Variants in ADGRV1 observed in about 807,000 individuals in gnomAD.
The protein encoded by ADGRV1 is G-protein coupled receptor 98.
A neutral mutation model predicts 596.2 loss-of-function variants in ADGRV1; 359 were observed. The observed-to-expected ratio is 0.60, with a 90% CI of 0.55 to 0.66. The LOEUF is 0.66. ADGRV1 is among the 30% of genes least tolerant of loss of function. The pLI is 0.00. For missense variants in ADGRV1, 7,274 were observed against 7,575.6 expected (o/e 0.96, Z 1.48); for synonymous variants, 2,681 against 2,679.2 (o/e 1.00, Z -0.02).
chr5:91,091,957 T>C (rs1790423010), intron 86 of ADGRV1, among the ~76,000 whole-genome samples: 1 of 152,090 alleles, frequency 6.6e-6, no homozygotes, highest in Non-Finnish European at 1.5e-5. Flanking sequence ...TAATGTCTAA[T>C]CAGATATCTG....
At position 90,872,955 on chromosome 5, in the gene ADGRV1, G is replaced by C. The variant is rs190478148; in HGVS notation, c.17856+9098G>C. ...TCTGTGAAATCTTGCTTCCTTCTGT[G>C]AAACTTTTTAATGAGTGGTCCTTAC... On this transcript the variant is annotated intron_variant, in intron 83 of 89. Coordinates refer to ENST00000405460, the MANE Select transcript of ADGRV1 (RefSeq NM_032119.4). 2.9e-3 allele frequency among the ~76,000 whole-genome samples: 437 copies of C among 152,230 alleles called. 5 individuals carry two copies. Among genetic ancestry groups the C allele is most frequent in the Non-Finnish European group, 2.5e-3 (172 of 68,000 alleles).
At chr5:90,615,525 G>A (rs1423771659) in intron 2 of ADGRV1, among the ~76,000 whole-genome samples, 2 of 151,848 alleles carry the variant, frequency 1.3e-5, no homozygotes, top group African/African-American at 4.8e-5. Context: ...GTTACTGGGT[G>A]GATTGTGTGT....
intron 87 of ADGRV1, among the ~76,000 whole-genome samples, chr5:91,140,963 G>A (rs1489254717): frequency 6.6e-6 from 1 of 152,150 alleles, no homozygotes; most frequent in African/African-American, 2.4e-5. Context: ...GATTACTGAA[G>A]CATGTCCTAA....
intron 83 of ADGRV1, among the ~76,000 whole-genome samples, chr5:90,931,839 A>G (rs1048962383): frequency 2.6e-5 from 4 of 152,204 alleles, no homozygotes; most frequent in African/African-American, 7.2e-5. Context: ...TGGCTTAGAG[A>G]AAAATTGATG....
chr5:90,958,686 C>A (rs368095279), intron 83 of ADGRV1, among the ~76,000 whole-genome samples: 2 of 152,072 alleles, frequency 1.3e-5, no homozygotes, highest in African/African-American at 4.8e-5. Flanking sequence ...TGTGCATGTG[C>A]GTGTCTGTGT....
intron 84 of ADGRV1, among the ~76,000 whole-genome samples, chr5:90,969,885 G>C (rs1382270768): frequency 6.6e-6 from 1 of 152,230 alleles, no homozygotes; most frequent in Non-Finnish European, 1.5e-5. Context: ...AGGCAGGACA[G>C]TGGGTGCAAC....
chr5:91,075,160 T>G (rs1378308782), intron 86 of ADGRV1, among the ~76,000 whole-genome samples: 1 of 152,154 alleles, frequency 6.6e-6, no homozygotes, highest in Non-Finnish European at 1.5e-5. Context: ...TGATAATTTC[T>G]TTTGCTGTGC....
At chr5:90,621,712 G>T (rs1350210271) in intron 4 of ADGRV1, among the ~76,000 whole-genome samples, 1 of 152,078 alleles carries the variant, frequency 6.6e-6, no homozygotes, top group Non-Finnish European at 1.5e-5. Flanking sequence ...GTGCTGCCAG[G>T]CAGCCTCTGA....
chr5:90,627,727 A>C lies in ADGRV1; in HGVS notation c.1189A>C (p.Ser397Arg). 6.3e-7 allele frequency: 1 copy of C among 1,594,662 alleles called. No individual in the cohort carries two copies. The highest frequency in any genetic ancestry group is 8.5e-7 in the Non-Finnish European group (1 of 1,170,428). Residue 397 changes from serine to arginine, a missense_variant, in exon 7 of 90, where the codon AGT (serine) becomes CGT (arginine). Ser to Arg is a moderately radical substitution (Grantham distance 110). Around this residue, in one of 5 missense-constraint regions of ADGRV1, gnomAD observed 1,715 missense variants for 1,708.8 expected, o/e 1.00. Transcript: ENST00000405460. ...DKPYGVLSFN[S>R]VLFERTVIID... is the part of the protein sequence containing the mutation. ...ACCTTATGGAGTCCTTTCATTCAACAGTGTTTTGTTTGAAAGGACAGTTAT... is the reference window on the plus strand; with the variant it reads ...ACCTTATGGAGTCCTTTCATTCAACCGTGTTTTGTTTGAAAGGACAGTTAT...
intron 84 of ADGRV1, among the ~76,000 whole-genome samples, chr5:90,967,313 A>G (rs946047965): frequency 6.6e-6 from 1 of 152,180 alleles, no homozygotes; most frequent in African/African-American, 2.4e-5. Flanking sequence ...TATTATTAAT[A>G]TTTTATAGCT....
Position 90,651,690 on chromosome 5 carries a change from A to G in ADGRV1, c.3376A>G (p.Ile1126Val). The G allele has an allele frequency of 6.2e-7, 1 of 1,612,934 alleles. No individual in the cohort carries two copies. The highest frequency in any genetic ancestry group is 8.5e-7 in the Non-Finnish European group (1 of 1,179,242). ...DPNGIFSLEP[I>V]DKAVEEGKTN... Reference sequence around the variant, plus strand: ...AAATGGCATTTTTTCTCTGGAGCCCATAGACAAAGCAGTGGAAGAAGGAAA... The same window carrying G: ...AAATGGCATTTTTTCTCTGGAGCCCGTAGACAAAGCAGTGGAAGAAGGAAA... Residue 1126 changes from isoleucine to valine, a missense_variant, in exon 18 of 90, where the codon ATA becomes GTA. Transcript: ENST00000405460.
In ADGRV1 at chr5:90,757,023, G is replaced by C. The variant is rs765864350; in HGVS notation, c.11802G>C (p.Leu3934Phe). The change falls in exon 57 of 90, where the codon TTG becomes TTC. Residue 3934 changes from leucine to phenylalanine, a missense_variant. Transcript: ENST00000405460. ...CTGCCTATGAGGTGCCTCCACCCTT[G>C]AACGTTCTTCAAGTTCCTGTAGTCC... ...VITAYEVPPP[L>F]NVLQVPVVRL... 4 of 1,613,744 alleles carry C rather than the reference G, an allele frequency of 2.5e-6. No homozygotes were observed. In the South Asian group the frequency reaches 4.4e-5, roughly 18 times the overall value.
intron 86 of ADGRV1, among the ~76,000 whole-genome samples, chr5:91,080,171 A>G (rs1008966262): frequency 6.6e-6 from 1 of 152,142 alleles, no homozygotes; most frequent in African/African-American, 2.4e-5. Flanking sequence ...TTGAATATTT[A>G]TCATTTCAAT....
At chr5:90,941,135 C>T (rs1383595982) in intron 83 of ADGRV1, among the ~76,000 whole-genome samples, 1 of 91,700 alleles carries the variant, frequency 1.1e-5, no homozygotes, top group South Asian at 2.5e-4. Flanking sequence ...AGGAAAAGTA[C>T]TTAAAAAAAA....
intron 84 of ADGRV1, among the ~76,000 whole-genome samples, chr5:90,969,211 G>A (rs977774511): frequency 6.6e-6 from 1 of 152,174 alleles, no homozygotes; most frequent in Non-Finnish European, 1.5e-5. Flanking sequence ...ATGAATTAAT[G>A]TATAGAATGA....
chr5:91,042,186 T>C (rs747130964), intron 85 of ADGRV1, among the ~76,000 whole-genome samples: 11 of 152,212 alleles, frequency 7.2e-5, no homozygotes, highest in Non-Finnish European at 1.5e-4. Flanking sequence ...AGTTAATACA[T>C]GATGAAAAGA....
rs141352036 is a variant in ADGRV1, at chr5:90,721,604, C to T, written c.9748+545C>T. ...AATAAAATAAAATATGTATTTAGTG[C>T]CTATGCCAGGCATGGCACTGAACTC... On this transcript the variant is annotated intron_variant, in intron 45 of 89. Transcript: ENST00000405460. Among the ~76,000 whole-genome samples, 66 of 63,574 alleles carry T rather than the reference C, an allele frequency of 1.0e-3. 4 individuals carry two copies. Among genetic ancestry groups the T allele is most frequent in the Admixed American group, 7.8e-3 (58 of 7,470 alleles). 41.7% of individuals were successfully genotyped at this position (63,574 alleles called of 152,430 possible). A position where few individuals can be genotyped will look rare whatever the true frequency, so the allele number is the denominator to read the frequency against.
In ADGRV1 at chr5:91,164,359, A is replaced by G. The variant is rs967259534; in HGVS notation, c.*459A>G. The G allele has an allele frequency of 5.5e-5, 13 of 238,106 alleles. No homozygotes were observed. The highest frequency in any genetic ancestry group is 1.0e-4 in the Non-Finnish European group (12 of 117,810). The allele number at this position is 238,106 out of a possible 1,614,324, so 14.7% of individuals were successfully genotyped here. ...CCAGATTCAAGACTTCACTGCAACTAGAAGACTTTAATTCTGAAAACTGTA... is the reference window on the plus strand; with the variant it reads ...CCAGATTCAAGACTTCACTGCAACTGGAAGACTTTAATTCTGAAAACTGTA... On this transcript the variant is annotated 3_prime_UTR_variant, in exon 90 of 90. Transcript: ENST00000405460.
chr5:91,135,478 G>A (rs1453199653), intron 87 of ADGRV1, among the ~76,000 whole-genome samples: 1 of 152,156 alleles, frequency 6.6e-6, no homozygotes, highest in East Asian at 1.9e-4. Context: ...GGAGCAGCTT[G>A]CAAAGAAAGC....
Sources: gnomAD v4.1 joint callset for allele counts (sites outside exome capture counted in the v4.1 genomes callset) on GRCh38, gnomAD v4.1.1 for gene constraint, gnomAD v4.1.1 regional missense constraint, MANE v1.5 for transcripts, NCBI Gene and HGNC (gene_info 2026-07-23, HGNC 2026-07-21) for gene names.